PCDHA4: variants seen among roughly 807,000 people sequenced by gnomAD.
The protein encoded by PCDHA4 is protocadherin alpha-4.
A neutral mutation model predicts 61.4 loss-of-function variants in PCDHA4; 49 were observed. The ratio of observed to expected loss-of-function variants is 0.80; its 90% confidence interval spans 0.63 to 1.01. The LOEUF is 1.01. Ranked by LOEUF, PCDHA4 falls within the 50% of genes least tolerant of loss-of-function variation. PCDHA4 has a pLI of 0.00. For missense variants in PCDHA4, 1,254 were observed against 1,235.8 expected (o/e 1.01, Z -0.22); for synonymous variants, 590 against 550.3 (o/e 1.07, Z -1.01).
intron 1 of PCDHA4, chr5:140,852,586 T>TA (rs1469930347): frequency 1.0e-5 from 9 of 878,452 alleles, no homozygotes; most frequent in Non-Finnish European, 1.1e-5. Flanking sequence ...TTTTTTATTT[T>TA]TTTTTTTTGT....
At chr5:140,882,024 G>C in intron 1 of PCDHA4, 1 of 580,388 alleles carries the variant, frequency 1.7e-6, no homozygotes, top group East Asian at 3.1e-5. Flanking sequence ...CTACATCAAT[G>C]GAAAATATGA....
chr5:140,828,214 C>T (rs1161769031), intron 1 of PCDHA4: 8 of 1,614,030 alleles, frequency 5.0e-6, no homozygotes, highest in African/African-American at 4.0e-5. Context: ...AGGCCAAACA[C>T]GGCACCTTCG....
intron 3 of PCDHA4, among the ~76,000 whole-genome samples, chr5:141,003,141 AGACTC>A (rs1554258926): frequency 1.3e-5 from 2 of 152,202 alleles, no homozygotes; most frequent in African/African-American, 4.8e-5. Flanking sequence ...GCCTTGGCAA[AGACTC>A]TGACCTGATC....
intron 1 of PCDHA4, chr5:140,835,300 G>C: frequency 6.2e-7 from 1 of 1,612,792 alleles, no homozygotes; most frequent in East Asian, 2.2e-5. Context: ...ACAGTGATAG[G>C]ACATATGGAT....
intron 1 of PCDHA4, chr5:140,853,001 C>A (rs1254366907): frequency 3.9e-5 from 12 of 305,202 alleles, no homozygotes; most frequent in Non-Finnish European, 6.0e-5. Context: ...GCCTCAGCCT[C>A]CCGAGTAGCT....
At chr5:140,831,520 CTTTT>C (rs2150195630) in intron 1 of PCDHA4, among the ~76,000 whole-genome samples, 54,210 of 121,934 alleles carry the variant, frequency 0.44, 12,278 homozygotes, top group Middle Eastern at 0.51. Flanking sequence ...TGCCCCCCAC[CTTTT>C]TTTTTTTTTT....
At chr5:140,835,382 T>C (rs2150234724) in intron 1 of PCDHA4, 2 of 1,613,964 alleles carry the variant, frequency 1.2e-6, no homozygotes, top group East Asian at 4.5e-5. Context: ...TGGCTGGTCA[T>C]TGTACAGTTC....
Position 140,808,493 on chromosome 5 carries a change from T to G in PCDHA4, c.1306T>G (p.Trp436Gly), listed in dbSNP as rs781860911. 1.9e-6 allele frequency: 3 copies of G among 1,614,134 alleles called. No homozygotes were observed. The highest frequency in any genetic ancestry group is 2.5e-6 in the Non-Finnish European group (3 of 1,180,028). Residue 436 changes from tryptophan to glycine, a missense_variant, in exon 1 of 4, where the codon TGG (tryptophan) becomes GGG (glycine). Trp to Gly is a radical substitution (Grantham distance 184). Transcript: ENST00000530339. ...TARDGGSPSL[W>G]ATASVSVEVA... ...GCGAGACGGGGGCTCGCCTTCGCTG[T>G]GGGCCACGGCCAGTGTTTCTGTGGA...
intron 1 of PCDHA4, chr5:140,836,173 T>G (rs2150254721): frequency 6.2e-7 from 1 of 1,613,820 alleles, no homozygotes; most frequent in South Asian, 1.1e-5. Context: ...GTACGTGCAG[T>G]TGACGCTGAC....
At chr5:140,824,286 AG>A in intron 1 of PCDHA4, 1 of 1,021,950 alleles carries the variant, frequency 9.8e-7, no homozygotes, top group East Asian at 2.4e-5. Flanking sequence ...GCTTTTTATG[AG>A]GCTTTTCTGC....
At chr5:140,966,914 G>C in intron 1 of PCDHA4, 2 of 1,602,270 alleles carry the variant, frequency 1.2e-6, no homozygotes, top group Non-Finnish European at 1.7e-6. Flanking sequence ...CTCTGTGCCA[G>C]AGGAGCAGGC....
intron 1 of PCDHA4, among the ~76,000 whole-genome samples, chr5:140,948,738 A>T (rs1347138284): frequency 6.6e-6 from 1 of 151,488 alleles, no homozygotes; most frequent in African/African-American, 2.4e-5. Flanking sequence ...CTAGCTGAGA[A>T]TTTATCAATT....
intron 3 of PCDHA4, among the ~76,000 whole-genome samples, chr5:140,992,490 G>A (rs2097515419): frequency 6.6e-6 from 1 of 152,196 alleles, no homozygotes; most frequent in Non-Finnish European, 1.5e-5. Flanking sequence ...AGGCCAATCT[G>A]TAAGGATTCA....
At chr5:140,966,268 A>C (rs542154117) in intron 1 of PCDHA4, 5 of 351,754 alleles carry the variant, frequency 1.4e-5, no homozygotes, top group African/African-American at 1.0e-4. Context: ...AGACTGGATG[A>C]ACTGGACAGT....
intron 1 of PCDHA4, among the ~76,000 whole-genome samples, chr5:140,910,994 CT>C (rs1312142604): frequency 2.0e-5 from 3 of 152,222 alleles, no homozygotes; most frequent in African/African-American, 7.2e-5. Flanking sequence ...AACCTCACCC[CT>C]AGGGCCCTCC....
chr5:140,870,302 T>A (rs782099481), intron 1 of PCDHA4: 9 of 1,614,020 alleles, frequency 5.6e-6, no homozygotes, highest in South Asian at 4.4e-5. Flanking sequence ...GTGTCCACCT[T>A]CAAGAATTAC....
At chr5:140,821,286 A>G (rs1383696514) in intron 1 of PCDHA4, among the ~76,000 whole-genome samples, 1 of 152,166 alleles carries the variant, frequency 6.6e-6, no homozygotes, top group Admixed American at 6.5e-5. Context: ...GAAATATATA[A>G]ACTCCTCCCT....
intron 1 of PCDHA4, chr5:140,830,044 G>T: frequency 6.2e-7 from 1 of 1,613,812 alleles, no homozygotes; most frequent in Non-Finnish European, 8.5e-7. Context: ...TGGTGCTGGT[G>T]AAAGACCACG....
chr5:140,882,660 C>G lies in PCDHA4; in HGVS notation c.2385+73088C>G, dbSNP rs147326638. Reference sequence around the variant, plus strand: ...GTGAGGGACATTAACGACAACCCGCCCATATTCCCTGAAAGCAAGAAACGA... The same window carrying G: ...GTGAGGGACATTAACGACAACCCGCGCATATTCCCTGAAAGCAAGAAACGA... On this transcript the variant is annotated intron_variant, in intron 1 of 3. Coordinates refer to ENST00000530339, the MANE Select transcript of PCDHA4 (RefSeq NM_018907.4). 14 of 1,614,090 alleles carry G rather than the reference C, an allele frequency of 8.7e-6. No individual in the cohort carries two copies. Among genetic ancestry groups the G allele is most frequent in the African/African-American group, 1.3e-5 (1 of 74,928 alleles).
Sources: gnomAD v4.1 joint callset for allele counts (sites outside exome capture counted in the v4.1 genomes callset) on GRCh38, gnomAD v4.1.1 for gene constraint, MANE v1.5 for transcripts, NCBI Gene and HGNC (gene_info 2026-07-23, HGNC 2026-07-21) for gene names.